RAPGEF4: variants seen among roughly 807,000 people sequenced by gnomAD.
RAPGEF4 encodes Rap guanine nucleotide exchange factor 4.
Under a neutral mutation model 147.9 loss-of-function variants are expected in RAPGEF4, and 66 were observed. The ratio of observed to expected loss-of-function variants is 0.45; its 90% confidence interval spans 0.37 to 0.55. The LOEUF is 0.55. Ranked by LOEUF, RAPGEF4 falls within the 20% of genes least tolerant of loss-of-function variation. RAPGEF4 has a pLI of 0.00. For synonymous variants in RAPGEF4, 419 were observed against 442.7 expected, an observed-to-expected ratio of 0.95 and a Z score of 0.67; for missense variants, 1,071 against 1,257.3, an observed-to-expected ratio of 0.85 and a Z score of 2.24.
Position 173,016,421 on chromosome 2 carries a change from A to G in RAPGEF4, c.1882A>G (p.Lys628Glu), listed in dbSNP as rs1695514305. 1 of 1,610,792 alleles carries G rather than the reference A, an allele frequency of 6.2e-7. No homozygotes were observed. Among genetic ancestry groups the G allele is most frequent in the Admixed American group, 1.7e-5 (1 of 60,018 alleles). Residue 628 changes from lysine (K) to glutamate (E), a missense_variant, in exon 19 of 31, where the codon AAG becomes GAG. By Grantham distance (56) the Lys-to-Glu change is moderately conservative. Transcript: ENST00000397081. ...CAAGGAGCAACTGCCAGAGTTGGAG[A>G]AGATTGTCAAGCAAATGTAAGGAAG... Reference protein sequence around the residue: ...ALKEQLPELEKIVKQISEDAK... With the variant: ...ALKEQLPELEEIVKQISEDAK...
At chr2:172,794,357 A>AG (rs1489945605) in intron 1 of RAPGEF4, among the ~76,000 whole-genome samples, 1 of 151,492 alleles carries the variant, frequency 6.6e-6, no homozygotes, top group Non-Finnish European at 1.5e-5. Context: ...CAAAAAAAAA[A>AG]AAAAAAAAGA....
At chr2:172,870,251 A>G (rs1695084868) in intron 4 of RAPGEF4, among the ~76,000 whole-genome samples, 1 of 152,194 alleles carries the variant, frequency 6.6e-6, no homozygotes, top group Non-Finnish European at 1.5e-5. Flanking sequence ...CCGGTACACT[A>G]TACTGTATGA....
intron 3 of RAPGEF4, among the ~76,000 whole-genome samples, chr2:172,802,983 G>A (rs1267935165): frequency 6.6e-6 from 1 of 152,204 alleles, no homozygotes; most frequent in African/African-American, 2.4e-5. Flanking sequence ...TGGAAGGCGT[G>A]TTCCCATCGT....
intron 4 of RAPGEF4, chr2:172,814,745 A>C: frequency 3.0e-6 from 1 of 330,592 alleles, no homozygotes; most frequent in Non-Finnish European, 5.8e-6. Flanking sequence ...CAGGGAACAA[A>C]ATACTTTGAC....
intron 4 of RAPGEF4, among the ~76,000 whole-genome samples, chr2:172,887,900 T>G (rs929925126): frequency 2.6e-5 from 4 of 152,182 alleles, no homozygotes; most frequent in African/African-American, 9.7e-5. Flanking sequence ...TTCCTCAAAA[T>G]GTATTTTTTC....
At chr2:172,864,016 C>CA (rs1239962988) in intron 4 of RAPGEF4, among the ~76,000 whole-genome samples, 1 of 152,184 alleles carries the variant, frequency 6.6e-6, no homozygotes, top group Non-Finnish European at 1.5e-5. Flanking sequence ...TCAGGGTTAA[C>CA]TACAAGATGA....
At chr2:172,829,299 C>T (rs924076803) in intron 4 of RAPGEF4, among the ~76,000 whole-genome samples, 1 of 152,188 alleles carries the variant, frequency 6.6e-6, no homozygotes, top group Admixed American at 6.5e-5. Context: ...GGCTGTCAGG[C>T]CGGGGTTCTT....
intron 6 of RAPGEF4, among the ~76,000 whole-genome samples, chr2:172,939,337 T>C (rs1686915417): frequency 6.6e-6 from 1 of 152,204 alleles, no homozygotes; most frequent in South Asian, 2.1e-4. Flanking sequence ...TGTCAGTTTT[T>C]TAAAGCCATT....
Position 172,917,846 on chromosome 2 carries a change from T to A in RAPGEF4, c.489T>A (p.Gly163=). The change falls in exon 5 of 31, where the codon GGT becomes GGA. Residue 163 remains glycine, a synonymous_variant. Coordinates refer to ENST00000397081, the MANE Select transcript of RAPGEF4 (RefSeq NM_007023.4). ...YMAGLLAPPY[G]VMETGSNNDR... Reference sequence around the variant, plus strand: ...CAGGACTTCTGGCTCCTCCTTATGGTGTTATGGAAACGGGCTCTAACAATG... The same window carrying A: ...CAGGACTTCTGGCTCCTCCTTATGGAGTTATGGAAACGGGCTCTAACAATG... The A allele has an allele frequency of 6.2e-7, 1 of 1,613,974 alleles. No individual in the cohort carries two copies. The highest frequency in any genetic ancestry group is 1.1e-5 in the South Asian group (1 of 91,078).
At chr2:172,876,513 G>A (rs2149833375) in intron 4 of RAPGEF4, among the ~76,000 whole-genome samples, 1 of 152,238 alleles carries the variant, frequency 6.6e-6, no homozygotes, top group South Asian at 2.1e-4. Context: ...TAATCATGTG[G>A]TTTTTGTCTT....
At chr2:172,821,780 C>T (rs1243791616) in intron 4 of RAPGEF4, 1 of 1,235,708 alleles carries the variant, frequency 8.1e-7, no homozygotes, top group Non-Finnish European at 1.0e-6. Flanking sequence ...TTTCTTATTG[C>T]CTTAGACTGC....
chr2:172,836,424 T>G (rs1173880013), intron 4 of RAPGEF4, among the ~76,000 whole-genome samples: 1 of 152,226 alleles, frequency 6.6e-6, no homozygotes, highest in South Asian at 2.1e-4. Context: ...ACGTCTCAGT[T>G]GTGATATCCT....
At chr2:172,977,706 T>C (rs909717954) in intron 10 of RAPGEF4, among the ~76,000 whole-genome samples, 5 of 152,166 alleles carry the variant, frequency 3.3e-5, no homozygotes, top group African/African-American at 1.2e-4. Flanking sequence ...CCTAATGACA[T>C]GTTGAGGCCC....
intron 4 of RAPGEF4, among the ~76,000 whole-genome samples, chr2:172,883,680 C>A (rs974686323): frequency 1.3e-5 from 2 of 152,086 alleles, no homozygotes; most frequent in Non-Finnish European, 2.9e-5. Flanking sequence ...TTTTTCTCTC[C>A]TAGAAGATGT....
intron 4 of RAPGEF4, among the ~76,000 whole-genome samples, chr2:172,899,662 C>T (rs1373778862): frequency 6.6e-6 from 1 of 152,060 alleles, no homozygotes; most frequent in African/African-American, 2.4e-5. Context: ...CCAGGATGAT[C>T]CGTTTTTCTG....
intron 1 of RAPGEF4, among the ~76,000 whole-genome samples, chr2:172,771,290 G>T (rs1399857552): frequency 2.0e-5 from 3 of 151,902 alleles, no homozygotes; most frequent in Non-Finnish European, 4.4e-5. Flanking sequence ...TTATAAGAAC[G>T]GTAGTCCCAC....
chr2:172,735,883 A>C lies in RAPGEF4; in HGVS notation c.-101A>C. 9.7e-7 allele frequency: 1 copy of C among 1,034,410 alleles called. No homozygotes were observed. The highest frequency in any genetic ancestry group is 1.2e-6 in the Non-Finnish European group (1 of 804,954). The allele number at this position is 1,034,410 out of a possible 1,614,324, so 64.1% of individuals were successfully genotyped here. A position where few individuals can be genotyped will look rare whatever the true frequency, so the allele number is the denominator to read the frequency against. On this transcript the variant is annotated 5_prime_UTR_variant, in exon 1 of 31. Coordinates refer to ENST00000397081, the MANE Select transcript of RAPGEF4 (RefSeq NM_007023.4). ...CCGCGCTGGTCGCCAGGCGTCCGGGAGGAGCGGGGTCCGCGCGGCGGACGA... is the reference window on the plus strand; with the variant it reads ...CCGCGCTGGTCGCCAGGCGTCCGGGCGGAGCGGGGTCCGCGCGGCGGACGA...
At chr2:172,817,465 C>T (rs1688616562) in intron 4 of RAPGEF4, among the ~76,000 whole-genome samples, 2 of 152,104 alleles carry the variant, frequency 1.3e-5, no homozygotes, top group Non-Finnish European at 2.9e-5. Flanking sequence ...GTGCTGATAT[C>T]TGTTAGTAAA....
At chr2:172,785,525 A>T (rs1027677250) in intron 1 of RAPGEF4, among the ~76,000 whole-genome samples, 2 of 152,196 alleles carry the variant, frequency 1.3e-5, no homozygotes, top group African/African-American at 4.8e-5. Context: ...GCTCTTTGCA[A>T]TGCTAAATTA....
Sources: gnomAD v4.1 joint callset for allele counts (sites outside exome capture counted in the v4.1 genomes callset) on GRCh38, gnomAD v4.1.1 for gene constraint, MANE v1.5 for transcripts, NCBI Gene and HGNC (gene_info 2026-07-23, HGNC 2026-07-21) for gene names.